Variants in SNTG1 observed in about 807,000 individuals in gnomAD.
SNTG1 encodes syntrophin gamma 1.
SNTG1 carries 39 observed loss-of-function variants against 74.7 expected under a neutral mutation model. The ratio of observed to expected loss-of-function variants is 0.52; its 90% confidence interval spans 0.40 to 0.68. The LOEUF is 0.68. SNTG1 is among the 30% of genes least tolerant of loss of function. SNTG1 has a pLI of 0.00. For missense variants in SNTG1, 685 were observed against 609.5 expected, an observed-to-expected ratio of 1.12 and a Z score of -1.30; for synonymous variants, 254 against 217.1, an observed-to-expected ratio of 1.17 and a Z score of -1.49.
chr8:50,111,869 A>G (rs1352122502), intron 1 of SNTG1, among the ~76,000 whole-genome samples: 1 of 152,182 alleles, frequency 6.6e-6, no homozygotes, highest in Non-Finnish European at 1.5e-5. Flanking sequence ...GGACTATGGA[A>G]AAAAGAAAGT....
At chr8:50,014,442 C>A (rs1051172851) in intron 1 of SNTG1, among the ~76,000 whole-genome samples, 20 of 117,796 alleles carry the variant, frequency 1.7e-4, no homozygotes, top group Admixed American at 5.7e-4. Flanking sequence ...AAAGGAAATT[C>A]TAAGATCTAC....
At chr8:50,385,737 A>T (rs529629125) in intron 2 of SNTG1, among the ~76,000 whole-genome samples, 1 of 152,264 alleles carries the variant, frequency 6.6e-6, no homozygotes, top group Admixed American at 6.5e-5. Context: ...ACAGGAATGG[A>T]GAAAAAGGGA....
At chr8:50,449,837 C>G in intron 6 of SNTG1, 112 bp downstream of exon 6, 1 of 952,562 alleles carries the variant, frequency 1.0e-6, no homozygotes, top group Non-Finnish European at 1.5e-6. Context: ...GCTCCAGCTT[C>G]CCCACCTTCA....
intron 1 of SNTG1, among the ~76,000 whole-genome samples, chr8:49,946,717 T>A (rs1360332619): frequency 6.6e-6 from 1 of 152,186 alleles, no homozygotes; most frequent in African/African-American, 2.4e-5. Context: ...CTGGTTAATT[T>A]TATGAAAATC....
At chr8:49,977,410 C>T (rs1812295620) in intron 1 of SNTG1, among the ~76,000 whole-genome samples, 1 of 152,116 alleles carries the variant, frequency 6.6e-6, no homozygotes, top group African/African-American at 2.4e-5. Flanking sequence ...TTTGAGAGTG[C>T]TCCATCCCAG....
intron 13 of SNTG1, among the ~76,000 whole-genome samples, chr8:50,639,203 C>T (rs1272504508): frequency 7.7e-6 from 1 of 129,352 alleles, no homozygotes; most frequent in Non-Finnish European, 1.6e-5. Flanking sequence ...ATGATAGTGA[C>T]AGAAATGCTT....
At chr8:50,300,877 A>G (rs887810516) in intron 2 of SNTG1, among the ~76,000 whole-genome samples, 2 of 152,122 alleles carry the variant, frequency 1.3e-5, no homozygotes, top group African/African-American at 2.4e-5. Flanking sequence ...TTCTTTTAAC[A>G]CTTTAAAAAC....
chr8:50,505,100 G>T (rs1440210452), intron 9 of SNTG1, among the ~76,000 whole-genome samples: 1 of 152,092 alleles, frequency 6.6e-6, no homozygotes, highest in Non-Finnish European at 1.5e-5. Flanking sequence ...TTCTTTTGGT[G>T]ATTAGCTTAT....
intron 18 of SNTG1, among the ~76,000 whole-genome samples, chr8:50,774,886 T>G (rs28660272): frequency 0.073 from 11,019 of 151,334 alleles, 1,181 homozygotes; most frequent in African/African-American, 0.23. Context: ...TGAACTAGAA[T>G]GTTTTAAAAT....
At chr8:50,018,512 G>A (rs1304137621) in intron 1 of SNTG1, among the ~76,000 whole-genome samples, 1 of 151,926 alleles carries the variant, frequency 6.6e-6, no homozygotes, top group Non-Finnish European at 1.5e-5. Flanking sequence ...AGACATGAAT[G>A]TAAGATCTAA....
At chr8:50,184,079 C>G (rs897983816) in intron 2 of SNTG1, among the ~76,000 whole-genome samples, 4 of 152,116 alleles carry the variant, frequency 2.6e-5, no homozygotes, top group African/African-American at 9.7e-5. Context: ...GAAATTGTAT[C>G]TTACTTATTC....
chr8:50,567,921 C>T (rs1462599311), intron 12 of SNTG1, among the ~76,000 whole-genome samples: 2 of 152,018 alleles, frequency 1.3e-5, no homozygotes, highest in African/African-American at 2.4e-5. Flanking sequence ...TCTAGTCACC[C>T]TACTATATAA....
chr8:50,424,648 T>C (rs1198767454), intron 4 of SNTG1, among the ~76,000 whole-genome samples: 3 of 152,214 alleles, frequency 2.0e-5, no homozygotes, highest in Admixed American at 6.6e-5. Context: ...CAGGAGGATG[T>C]ATGAGTCCAG....
chr8:50,377,050 T>C (rs1219045601), intron 2 of SNTG1, among the ~76,000 whole-genome samples: 2 of 152,108 alleles, frequency 1.3e-5, no homozygotes, highest in Non-Finnish European at 2.9e-5. Flanking sequence ...ATGGGTCGGC[T>C]TTCTGAGTCA....
chr8:50,363,696 AAGTTATATGCTATT>A (rs1465628437), intron 2 of SNTG1, among the ~76,000 whole-genome samples: 5 of 152,224 alleles, frequency 3.3e-5, no homozygotes, highest in Non-Finnish European at 5.9e-5. Context: ...GAGGACTTGC[AAGTTATATGCTATT>A]ATATGTTTAA....
At chr8:50,751,893 G>C in intron 17 of SNTG1, 108 bp from the exon 18 acceptor site, 1 of 560,404 alleles carries the variant, frequency 1.8e-6, no homozygotes, top group Non-Finnish European at 3.1e-6. Flanking sequence ...TTGGGACATA[G>C]TACTAACTTT....
intron 1 of SNTG1, among the ~76,000 whole-genome samples, chr8:49,995,096 A>G (rs1285829151): frequency 6.6e-6 from 1 of 152,200 alleles, no homozygotes. Context: ...ATGGAAATGA[A>G]GATAATAATG....
chr8:50,076,602 T>C (rs1821918569), intron 1 of SNTG1, among the ~76,000 whole-genome samples: 1 of 132,924 alleles, frequency 7.5e-6, no homozygotes, highest in Admixed American at 8.1e-5. Flanking sequence ...CGTAAAAATA[T>C]GAAAATTCTC....
rs1477832152 is a variant in SNTG1 at position 50,793,552 on chromosome 8, T to C, written c.*723T>C. On this transcript the variant is annotated 3_prime_UTR_variant, in exon 19 of 19. Coordinates refer to ENST00000642720, the MANE Select transcript of SNTG1 (RefSeq NM_018967.5). ...CAAAGTCAATCAAATATGCCAACAG[T>C]GTATTAATTTAATTATGAGTGATGG... 1 of 151,962 alleles carries C rather than the reference T, an allele frequency of 6.6e-6. No individual in the cohort carries two copies. The highest frequency in any genetic ancestry group is 1.5e-5 in the Non-Finnish European group (1 of 67,904). The allele number at this position is 151,962 out of a possible 1,614,324, so 9.4% of individuals were successfully genotyped here.
Sources: gnomAD v4.1 joint callset for allele counts (sites outside exome capture counted in the v4.1 genomes callset) on GRCh38, gnomAD v4.1.1 for gene constraint, MANE v1.5 for transcripts, NCBI Gene and HGNC (gene_info 2026-07-23, HGNC 2026-07-21) for gene names.